AMY2B: variants seen among roughly 807,000 people sequenced by gnomAD.
AMY2B encodes amylase alpha 2B.
A neutral mutation model predicts 59.3 loss-of-function variants in AMY2B; 63 were observed. The ratio of observed to expected loss-of-function variants is 1.06; its 90% CI spans 0.87 to 1.31. The LOEUF (loss-of-function observed/expected upper bound fraction) is 1.31, where lower values mean the gene tolerates loss of function less well. AMY2B is among the 50% of genes most tolerant of loss of function. The probability of loss-of-function intolerance (pLI) is 0.00; values close to 1 mark genes in which losing one functional copy is unlikely to be tolerated. For missense variants in AMY2B, 635 were observed against 626.7 expected, an observed-to-expected ratio of 1.01 and a Z score of -0.14; for synonymous variants, 180 against 198.1, an observed-to-expected ratio of 0.91 and a Z score of 0.77.
chr1:103,578,788 G>GA (rs1347032077), intron 9 of AMY2B, among the ~76,000 whole-genome samples: 1 of 139,960 alleles, frequency 7.1e-6, no homozygotes, highest in South Asian at 2.3e-4. Flanking sequence ...ACCTTATGGG[G>GA]AAAAAAGGAG....
intron 5 of AMY2B, among the ~76,000 whole-genome samples, 165 bp from the exon 6 acceptor site, chr1:103,575,058 A>G (rs200311244): frequency 3.5e-5 from 3 of 86,480 alleles, no homozygotes; most frequent in African/African-American, 1.0e-4. Context: ...GTGTGTGTGT[A>G]TGTATATATA....
chr1:103,571,449 C>A, upstream of AMY2B: 1 of 1,451,850 alleles, frequency 6.9e-7, no homozygotes, highest in Non-Finnish European at 9.3e-7. Flanking sequence ...TAATGTTCTT[C>A]TCCTGTTAGG....
chr1:103,579,197 A>G, intron 9 of AMY2B, 114 bp from the exon 10 acceptor site: 1 of 1,578,508 alleles, frequency 6.3e-7, no homozygotes, highest in Middle Eastern at 2.4e-4. Flanking sequence ...TTTTCTTCTT[A>G]ATGAGACTTC....
chr1:103,577,064 G>A (rs1224657940), intron 7 of AMY2B, among the ~76,000 whole-genome samples: 8 of 152,092 alleles, frequency 5.3e-5, no homozygotes, highest in Non-Finnish European at 1.0e-4. Context: ...GCAAGACCTC[G>A]TCTTTACTGA....
intron 1 of AMY2B, among the ~76,000 whole-genome samples, chr1:103,558,847 T>C (rs942272073): frequency 5.9e-5 from 9 of 152,082 alleles, no homozygotes; most frequent in African/African-American, 1.2e-4. Context: ...TTTAATCTTA[T>C]TAAACAAGAT....
upstream of AMY2B, chr1:103,570,426 C>T: frequency 1.1e-6 from 1 of 875,918 alleles, no homozygotes; most frequent in Non-Finnish European, 1.9e-6. Flanking sequence ...CCGCAAAGAC[C>T]TGTAGGCCAA....
At chr1:103,576,935 A>G (rs1300754938) in intron 7 of AMY2B, among the ~76,000 whole-genome samples, 1 of 152,108 alleles carries the variant, frequency 6.6e-6, no homozygotes, top group Non-Finnish European at 1.5e-5. Context: ...GCTTACAGTG[A>G]TGTTAAGAAG....
chr1:103,565,768 G>T (rs1651889877), intron 2 of AMY2B, among the ~76,000 whole-genome samples: 1 of 152,108 alleles, frequency 6.6e-6, no homozygotes, highest in African/African-American at 2.4e-5. Context: ...TATGGATACT[G>T]GGAAGTGTCA....
Position 103,573,375 on chromosome 1 carries a change from G to C in AMY2B, c.513+115G>C. ...GAATTTAGATCTCTTAGGGACACAG[G>C]TTAACAGGTTTGACTACTTTAAGAA... On this transcript the variant is annotated intron_variant, in intron 3 of 9. Transcript: ENST00000684275. 3.3e-6 allele frequency: 5 copies of C among 1,535,842 alleles called. No individual in the cohort carries two copies. The South Asian group carries it at 6.3e-5, about 19-fold the overall frequency.
Position 103,577,470 on chromosome 1 carries a change from C to G in AMY2B, c.1102-20C>G. On this transcript the variant is annotated intron_variant, in intron 7 of 9. Transcript: ENST00000684275. Reference sequence around the variant, plus strand: ...TAAATATATGTATGTTAAAATTTGGCTTTTCACCCCCTAATTAAGGATGTT... The same window carrying G: ...TAAATATATGTATGTTAAAATTTGGGTTTTCACCCCCTAATTAAGGATGTT... 1.2e-6 allele frequency: 2 copies of G among 1,611,772 alleles called. No individual in the cohort carries two copies. The highest frequency in any genetic ancestry group is 1.7e-6 in the Non-Finnish European group (2 of 1,179,750).
chr1:103,555,477 G>A (rs561879644), intron 1 of AMY2B, among the ~76,000 whole-genome samples: 2 of 151,920 alleles, frequency 1.3e-5, no homozygotes, highest in Non-Finnish European at 2.9e-5. Flanking sequence ...GGAAATGGGG[G>A]TTTATCCCAA....
intron 3 of AMY2B, 89 bp downstream of exon 3, chr1:103,573,349 C>A: frequency 1.3e-6 from 2 of 1,590,976 alleles, no homozygotes; most frequent in Non-Finnish European, 1.7e-6. Context: ...ATTTTAAATA[C>A]GAATTTAGAT....
At position 103,579,320 on chromosome 1, in the gene AMY2B, T is replaced by C; in HGVS notation, c.1356T>C (p.Ser452=). The C allele has an allele frequency of 6.2e-7, 1 of 1,611,706 alleles. No homozygotes were observed. The highest frequency in any genetic ancestry group is 8.5e-7 in the Non-Finnish European group (1 of 1,179,664). Reference sequence around the variant, plus strand: ...AAATTTTATTTTACAGGACATTTTCTTTAACTTTGCAAACTGGTCTTCCTG... The same window carrying C: ...AAATTTTATTTTACAGGACATTTTCCTTAACTTTGCAAACTGGTCTTCCTG... The part of the protein sequence containing the change: ...IVFNNDDWTF[S]LTLQTGLPAG... The change falls in exon 10 of 10, where the codon TCT becomes TCC. Residue 452 remains serine (S), a synonymous_variant. Transcript: ENST00000684275.
upstream of AMY2B, chr1:103,570,521 G>A (rs1652084472): frequency 1.1e-5 from 7 of 623,040 alleles, no homozygotes; most frequent in Non-Finnish European, 2.2e-5. Flanking sequence ...CTAGCACCAT[G>A]AAGATCAAGA....
chr1:103,572,808 T>C (rs1015254104), intron 2 of AMY2B, among the ~76,000 whole-genome samples: 2 of 152,176 alleles, frequency 1.3e-5, no homozygotes, highest in Non-Finnish European at 2.9e-5. Flanking sequence ...CTTTTTGCAT[T>C]TCCTCCTATT....
At chr1:103,570,704 C>T (rs1456004542), upstream of AMY2B, 1 of 554,966 alleles carries the variant, frequency 1.8e-6, no homozygotes, top group Non-Finnish European at 3.6e-6. Flanking sequence ...CTAGCAATTG[C>T]TTCATGGGTT....
intron 1 of AMY2B, among the ~76,000 whole-genome samples, chr1:103,563,164 A>G (rs897634448): frequency 6.6e-6 from 1 of 152,106 alleles, no homozygotes; most frequent in African/African-American, 2.4e-5. Context: ...CTCCAAATAT[A>G]AATCTTTAGT....
chr1:103,575,003 G>T (rs1652289251), intron 5 of AMY2B, among the ~76,000 whole-genome samples: 1 of 150,218 alleles, frequency 6.7e-6, no homozygotes, highest in Admixed American at 6.7e-5. Context: ...TTACACACGT[G>T]TGTGTATATG....
chr1:103,562,951 G>A (rs1352041264), intron 1 of AMY2B, among the ~76,000 whole-genome samples: 2 of 151,894 alleles, frequency 1.3e-5, no homozygotes, highest in South Asian at 4.1e-4. Context: ...TGTGTCAAGA[G>A]GGATACTGAG....
Sources: allele counts gnomAD v4.1 joint callset (sites outside exome capture counted in the v4.1 genomes callset), GRCh38; gene constraint gnomAD v4.1.1; transcripts MANE v1.5; gene names NCBI Gene and HGNC (gene_info 2026-07-23, HGNC 2026-07-21).